Variants in SNCAIP observed in about 807,000 individuals in gnomAD.
SNCAIP encodes the protein synphilin-1.
In SNCAIP, 43 loss-of-function variants were observed where a neutral mutation model predicts 86.7. The observed-to-expected ratio is 0.50, with a 90% CI of 0.39 to 0.64. The LOEUF (loss-of-function observed/expected upper bound fraction) is 0.64, where lower values mean the gene tolerates loss of function less well. Among genes scored for constraint, SNCAIP ranks in the 30% least tolerant of loss-of-function variants. SNCAIP has a pLI of 0.00. For missense variants in SNCAIP, 981 were observed against 1,103.1 expected (o/e 0.89, Z 1.57); for synonymous variants, 417 against 427.2 (o/e 0.98, Z 0.29).
At chr5:122,417,225 A>G (rs1287973550) in intron 3 of SNCAIP, among the ~76,000 whole-genome samples, 1 of 152,216 alleles carries the variant, frequency 6.6e-6, no homozygotes, top group East Asian at 1.9e-4. Flanking sequence ...TAGGAGCCAA[A>G]GAGTTGCTCT....
In SNCAIP at chr5:122,398,027, A is replaced by G. The variant is rs562114992; in HGVS notation, c.58-5766A>G. Among the ~76,000 whole-genome samples, 12 of 152,234 alleles carry G rather than the reference A, an allele frequency of 7.9e-5. No homozygotes were observed. In the South Asian group the frequency reaches 2.3e-3, roughly 29 times the overall value. ...GGTGGCCCTAGTAAGCACAGTATCT[A>G]TTGAGTGGTGGGCAGAATCCTATTG... On this transcript the variant is annotated intron_variant, in intron 2 of 10. Coordinates refer to ENST00000261368, the MANE Select transcript of SNCAIP (RefSeq NM_005460.4).
rs1045497974 is a variant in SNCAIP at position 122,312,237 on chromosome 5, A to C, written c.-94A>C. 6.6e-6 allele frequency: 1 copy of C among 150,844 alleles called. No homozygotes were observed. The highest frequency in any genetic ancestry group is 2.4e-5 in the African/African-American group (1 of 41,036). The allele number at this position is 150,844 out of a possible 1,614,324, so 9.3% of individuals were successfully genotyped here. Reference sequence around the variant, plus strand: ...TGCCGCTGCGGTCCGTCGGTCGGTCAGTCAGTCCCTTCGCGCTCCTGAGCC... The same window carrying C: ...TGCCGCTGCGGTCCGTCGGTCGGTCCGTCAGTCCCTTCGCGCTCCTGAGCC... On this transcript the variant is annotated 5_prime_UTR_variant, in exon 1 of 11. Transcript: ENST00000261368.
chr5:122,333,999 A>G (rs1300532180), intron 1 of SNCAIP, among the ~76,000 whole-genome samples: 4 of 152,206 alleles, frequency 2.6e-5, no homozygotes, highest in African/African-American at 9.7e-5. Context: ...AGAGATCAGC[A>G]TAGAAGACTG....
intron 10 of SNCAIP, among the ~76,000 whole-genome samples, chr5:122,459,701 A>T (rs1785652625): frequency 6.6e-6 from 1 of 152,212 alleles, no homozygotes; most frequent in South Asian, 2.1e-4. Context: ...TAAAGCAGAA[A>T]TGCCCATCAA....
At chr5:122,406,387 ATCT>A (rs996814938) in intron 3 of SNCAIP, among the ~76,000 whole-genome samples, 25 of 152,226 alleles carry the variant, frequency 1.6e-4, no homozygotes, top group African/African-American at 5.3e-4. Context: ...AAAAGTCCAC[ATCT>A]TCTTTGGGAT....
chr5:122,366,062 A>G (rs1050307176), intron 1 of SNCAIP, among the ~76,000 whole-genome samples: 3 of 152,214 alleles, frequency 2.0e-5, no homozygotes, highest in African/African-American at 4.8e-5. Context: ...TCAAGTCAAC[A>G]TAAACAGAAA....
At chr5:122,387,073 C>G (rs1307193815) in intron 1 of SNCAIP, among the ~76,000 whole-genome samples, 2 of 152,116 alleles carry the variant, frequency 1.3e-5, no homozygotes, top group Non-Finnish European at 2.9e-5. Flanking sequence ...GGGAGAAATT[C>G]AGATTCACAA....
chr5:122,314,612 T>C (rs1751320488), intron 1 of SNCAIP, among the ~76,000 whole-genome samples: 1 of 152,246 alleles, frequency 6.6e-6, no homozygotes, highest in Admixed American at 6.5e-5. Context: ...TATATGCAGA[T>C]TCACTTGCAG....
intron 5 of SNCAIP, 71 bp downstream of exon 5, chr5:122,425,602 T>C (rs1777212811): frequency 7.7e-7 from 1 of 1,304,086 alleles, no homozygotes; most frequent in Admixed American, 1.7e-5. Context: ...CCTTGTGAGC[T>C]AAAGTGTTGG....
chr5:122,432,423 G>A (rs1261842473), intron 6 of SNCAIP, among the ~76,000 whole-genome samples: 1 of 152,020 alleles, frequency 6.6e-6, no homozygotes, highest in Non-Finnish European at 1.5e-5. Context: ...AAGAGAAATA[G>A]AAATTAATAC....
chr5:122,435,442 T>TCCA (rs1473758716), intron 6 of SNCAIP, among the ~76,000 whole-genome samples: 1 of 152,190 alleles, frequency 6.6e-6, no homozygotes, highest in Non-Finnish European at 1.5e-5. Context: ...CTTGGGAGCC[T>TCCA]CTGCCTGCTC....
intron 5 of SNCAIP, among the ~76,000 whole-genome samples, chr5:122,430,037 G>A (rs1037654681): frequency 5.9e-5 from 9 of 152,022 alleles, no homozygotes; most frequent in South Asian, 4.2e-4. Flanking sequence ...CAACCTTCTC[G>A]GGCAAATACC....
At chr5:122,382,622 C>T (rs1024063371) in intron 1 of SNCAIP, among the ~76,000 whole-genome samples, 6 of 152,082 alleles carry the variant, frequency 3.9e-5, no homozygotes, top group African/African-American at 9.7e-5. Context: ...AGGCGCTCTG[C>T]GTTTTAGAGT....
At chr5:122,314,516 G>A (rs1751304776) in intron 1 of SNCAIP, among the ~76,000 whole-genome samples, 1 of 152,192 alleles carries the variant, frequency 6.6e-6, no homozygotes, top group East Asian at 1.9e-4. Context: ...TGTCTTGGGA[G>A]AAAAATGATA....
At chr5:122,463,467 G>T (rs1786977603) in intron 10 of SNCAIP, 24 bp from the exon 11 acceptor site, 1 of 1,402,706 alleles carries the variant, frequency 7.1e-7, no homozygotes. Context: ...TCTAATTTTG[G>T]CCTGTGGTTT....
At chr5:122,324,028 C>A (rs1449415310) in intron 1 of SNCAIP, among the ~76,000 whole-genome samples, 1 of 152,112 alleles carries the variant, frequency 6.6e-6, no homozygotes, top group East Asian at 1.9e-4. Flanking sequence ...TTGCTATGTG[C>A]TATTTTAGTC....
chr5:122,409,633 G>A (rs1773717855), intron 3 of SNCAIP, among the ~76,000 whole-genome samples: 2 of 152,168 alleles, frequency 1.3e-5, no homozygotes, highest in South Asian at 4.1e-4. Flanking sequence ...AGTCATGTAG[G>A]TTGTACATTT....
At chr5:122,331,418 T>G (rs937319464) in intron 1 of SNCAIP, among the ~76,000 whole-genome samples, 5 of 152,182 alleles carry the variant, frequency 3.3e-5, no homozygotes, top group Non-Finnish European at 5.9e-5. Flanking sequence ...AAGATATAAT[T>G]AGTCTCTACA....
intron 2 of SNCAIP, among the ~76,000 whole-genome samples, chr5:122,399,697 T>C (rs1217688451): frequency 6.6e-6 from 1 of 152,164 alleles, no homozygotes; most frequent in East Asian, 1.9e-4. Context: ...TAAAATATTG[T>C]CCACACTTTC....
Sources: allele counts gnomAD v4.1 joint callset (sites outside exome capture counted in the v4.1 genomes callset), GRCh38; gene constraint gnomAD v4.1.1; transcripts MANE v1.5; gene names NCBI Gene and HGNC (gene_info 2026-07-23, HGNC 2026-07-21).